IARS1: variants seen among roughly 807,000 people sequenced by gnomAD.
IARS1 encodes isoleucyl-tRNA synthetase 1, also known as isoleucine--tRNA ligase, cytoplasmic.
Under a neutral mutation model 168.2 loss-of-function variants are expected in IARS1, and 124 were observed. The observed-to-expected ratio is 0.74, with a 90% confidence interval of 0.64 to 0.86. IARS1 has a LOEUF of 0.86. Among genes scored for constraint, IARS1 ranks in the 40% least tolerant of loss-of-function variants. The pLI, the probability that IARS1 is intolerant of heterozygous loss-of-function variation, is 0.00. For synonymous variants in IARS1, 532 were observed against 529.4 expected (o/e 1.00, Z -0.07); for missense variants, 1,452 against 1,515.8 (o/e 0.96, Z 0.70).
intron 30 of IARS1, among the ~76,000 whole-genome samples, chr9:92,235,510 T>C (rs1047818202): frequency 2.0e-5 from 3 of 147,724 alleles, no homozygotes; most frequent in Non-Finnish European, 4.4e-5. Context: ...GATAATTACA[T>C]TGATTTTTTT....
intron 17 of IARS1, among the ~76,000 whole-genome samples, chr9:92,261,460 G>T (rs1831517544): frequency 2.6e-5 from 4 of 152,278 alleles, no homozygotes; most frequent in African/African-American, 9.6e-5. Flanking sequence ...GGAGGGGAAG[G>T]CAATGCAGGA....
At chr9:92,292,580 A>T (rs1564192383) in intron 1 of IARS1, 1 of 155,428 alleles carries the variant, frequency 6.4e-6, no homozygotes, top group Non-Finnish European at 1.5e-5. Context: ...AACAGCATCC[A>T]GCAACCACAG....
At chr9:92,291,679 G>A (rs1288532542) in intron 1 of IARS1, among the ~76,000 whole-genome samples, 3 of 152,104 alleles carry the variant, frequency 2.0e-5, no homozygotes, top group Non-Finnish European at 4.4e-5. Flanking sequence ...GATTTATTTA[G>A]GTTCATTGTG....
rs199503628 is a variant in IARS1, at chr9:92,285,794, A to T, written c.525T>A (p.Gly175=). 4 of 1,613,578 alleles carry T rather than the reference A, an allele frequency of 2.5e-6. No homozygotes were observed. In the African/African-American group the frequency reaches 4.0e-5, roughly 16 times the overall value. Residue 175 remains glycine (G), a synonymous_variant, in exon 6 of 34, where the codon GGT becomes GGA. Transcript: ENST00000443024. ...CCGTAGAGAAGGGCATGACTTTCAC[A>T]CCTCTATAAACAAGGCCTTTATCAT... ...QLYDKGLVYR[G]VKVMPFSTAC... is the part of the protein sequence containing the mutation.
chr9:92,265,410 A>C, intron 15 of IARS1, 70 bp downstream of exon 15: 1 of 1,355,998 alleles, frequency 7.4e-7, no homozygotes, highest in South Asian at 1.2e-5. Flanking sequence ...GTGGCTCTGT[A>C]ATCTGCTAGA....
chr9:92,213,231 G>A (rs539597107), intron 33 of IARS1, among the ~76,000 whole-genome samples: 1 of 152,116 alleles, frequency 6.6e-6, no homozygotes, highest in South Asian at 2.1e-4. Flanking sequence ...GCACTAAAGA[G>A]CTAGGAAAGC....
chr9:92,271,884 A>G (rs943077544), intron 10 of IARS1, among the ~76,000 whole-genome samples: 6 of 152,218 alleles, frequency 3.9e-5, no homozygotes, highest in South Asian at 2.1e-4. Flanking sequence ...CCAGACCTCC[A>G]TATGTAGCAG....
At chr9:92,268,138 C>A in intron 14 of IARS1, 36 bp downstream of exon 14, 1 of 1,525,908 alleles carries the variant, frequency 6.6e-7, no homozygotes, top group South Asian at 1.3e-5. Context: ...AATGCTTTAG[C>A]AAAAATCAAC....
chr9:92,256,903 C>T, intron 19 of IARS1, 103 bp from the exon 20 acceptor site: 2 of 1,117,752 alleles, frequency 1.8e-6, no homozygotes, highest in Non-Finnish European at 2.5e-6. Context: ...AAGAAAAAAT[C>T]CCAGACCCTA....
chr9:92,215,833 G>A (rs1351939270), intron 33 of IARS1, among the ~76,000 whole-genome samples: 6 of 152,052 alleles, frequency 3.9e-5, no homozygotes, highest in African/African-American at 1.5e-4. Context: ...ATGGAACCAA[G>A]TTGGAAAACA....
At chr9:92,222,473 T>G in intron 33 of IARS1, 47 bp downstream of exon 33, 1 of 1,562,910 alleles carries the variant, frequency 6.4e-7, no homozygotes, top group Non-Finnish European at 8.7e-7. Flanking sequence ...GGCATCAAAA[T>G]CTACTTTCAA....
intron 33 of IARS1, among the ~76,000 whole-genome samples, chr9:92,218,328 G>A (rs1398930343): frequency 1.2e-3 from 163 of 140,098 alleles, no homozygotes; most frequent in Admixed American, 2.0e-3. Flanking sequence ...ATACTGAATG[G>A]GCAAAAACTG....
chr9:92,265,209 T>G (rs994895917), intron 15 of IARS1, 86 bp from the exon 16 acceptor site: 15 of 1,162,442 alleles, frequency 1.3e-5, no homozygotes, highest in Middle Eastern at 2.7e-4. Flanking sequence ...CACAAAACCC[T>G]GACAAGATAT....
chr9:92,226,832 A>C (rs1228101926), intron 31 of IARS1, among the ~76,000 whole-genome samples: 1 of 124,354 alleles, frequency 8.0e-6, no homozygotes, highest in Admixed American at 8.6e-5. Context: ...TTTATTGATC[A>C]TTCTTGGGTG....
Position 92,247,543 on chromosome 9 carries a change from A to AT in IARS1, c.2624dup (p.Asn875LysfsTer11). The stretch of plus-strand genomic sequence containing the variant: ...CTGTAGACAGTGTAACTTTTCGAAC[A>AT]TTGAGTTCCTACAGTTAATGCACAA... On this transcript the variant is annotated frameshift_variant, in exon 26 of 34. Transcript: ENST00000443024. LOFTEE classifies it high-confidence loss of function. The AT allele has an allele frequency of 6.2e-7, 1 of 1,613,154 alleles. No individual in the cohort carries two copies. The highest frequency in any genetic ancestry group is 2.2e-5 in the East Asian group (1 of 44,882).
At chr9:92,225,590 T>TTTTTA (rs58227589) in intron 31 of IARS1, among the ~76,000 whole-genome samples, 5 of 151,234 alleles carry the variant, frequency 3.3e-5, no homozygotes, top group African/African-American at 1.2e-4. Context: ...TTTTTTTTTT[T>TTTTTA]AATCTACTAG....
Position 92,223,358 on chromosome 9 carries a change from C to T in IARS1, c.3541G>A (p.Ala1181Thr), listed in dbSNP as rs746959650. The T allele has an allele frequency of 1.9e-6, 3 of 1,611,708 alleles. No homozygotes were observed. The highest frequency in any genetic ancestry group is 2.5e-6 in the Non-Finnish European group (3 of 1,178,462). ...GGGAGGCACATACCTTGTGGCTTTGCATTCAGGAGCTGTAGGTTGATATAC... is the reference window on the plus strand; with the variant it reads ...GGGAGGCACATACCTTGTGGCTTTGTATTCAGGAGCTGTAGGTTGATATAC... ...CQYINLQLLN[A>T]KPQECLMGTV... Residue 1181 changes from alanine (A) to threonine (T), a missense_variant, in exon 32 of 34, where the codon GCA (alanine) becomes ACA (threonine). By Grantham distance (58) the Ala-to-Thr change is moderately conservative. Coordinates refer to ENST00000443024, the MANE Select transcript of IARS1 (RefSeq NM_002161.6).
At chr9:92,289,242 G>A in intron 2 of IARS1, 59 bp downstream of exon 2, 1 of 648,440 alleles carries the variant, frequency 1.5e-6, no homozygotes, top group Non-Finnish European at 2.8e-6. Context: ...CTGCTTTAAT[G>A]GAATTCAGTC....
intron 30 of IARS1, among the ~76,000 whole-genome samples, chr9:92,230,973 G>A (rs1393000744): frequency 6.6e-6 from 1 of 151,974 alleles, no homozygotes; most frequent in Non-Finnish European, 1.5e-5. Flanking sequence ...AGATCTTTAC[G>A]TATTCTAGAT....
Sources: allele counts gnomAD v4.1 joint callset (sites outside exome capture counted in the v4.1 genomes callset), GRCh38; gene constraint gnomAD v4.1.1; transcripts MANE v1.5; gene names NCBI Gene and HGNC (gene_info 2026-07-23, HGNC 2026-07-21).